Variants in TMEM238L observed in about 807,000 individuals in gnomAD.
The protein encoded by TMEM238L is transmembrane protein 238-like.
At chr17:10,797,013 G>A (rs1567608895) in intron 1 of TMEM238L, among the ~76,000 whole-genome samples, 1 of 152,158 alleles carries the variant, frequency 6.6e-6, no homozygotes, top group African/African-American at 2.4e-5. Flanking sequence ...GCCAGTCTGT[G>A]TTCCAATAAA....
chr17:10,802,330 C>G (rs1904769994), intron 1 of TMEM238L: 1 of 152,170 alleles, frequency 6.6e-6, no homozygotes, highest in African/African-American at 2.4e-5. Context: ...ATTGTACAGC[C>G]TTTCCCTGCC....
chr17:10,799,396 C>T (rs923543077), intron 1 of TMEM238L, among the ~76,000 whole-genome samples: 1 of 152,154 alleles, frequency 6.6e-6, no homozygotes, highest in Admixed American at 6.5e-5. Context: ...CGGGGTTTCA[C>T]TATGTTGGCC....
chr17:10,803,932 T>C, exon 1 of TMEM238L: 1 of 398,886 alleles, frequency 2.5e-6, no homozygotes, highest in Non-Finnish European at 4.4e-6. Context: ...GCGCCCTGGA[T>C]GGCATCTTCC....
intron 1 of TMEM238L, among the ~76,000 whole-genome samples, chr17:10,797,491 C>A (rs958930811): frequency 2.0e-5 from 3 of 150,744 alleles, no homozygotes; most frequent in Non-Finnish European, 4.4e-5. Flanking sequence ...ATGTCTCTAA[C>A]CCCTAACCTC....
At chr17:10,798,498 G>A (rs912619590) in intron 1 of TMEM238L, among the ~76,000 whole-genome samples, 3 of 152,206 alleles carry the variant, frequency 2.0e-5, no homozygotes, top group African/African-American at 7.2e-5. Context: ...GTGGGCAGAG[G>A]GGAGAGGCTG....
At chr17:10,797,298 A>G (rs1371325879) in intron 1 of TMEM238L, among the ~76,000 whole-genome samples, 1 of 152,030 alleles carries the variant, frequency 6.6e-6, no homozygotes, top group Non-Finnish European at 1.5e-5. Context: ...GATAATGTGC[A>G]ACCCTAGGGC....
exon 2 of TMEM238L, chr17:10,795,919 T>C (rs1904526135): frequency 6.6e-6 from 1 of 152,396 alleles, no homozygotes; most frequent in African/African-American, 2.4e-5. Context: ...GGGCATCTCC[T>C]TGAATTGATT....
intron 1 of TMEM238L, among the ~76,000 whole-genome samples, chr17:10,803,008 A>G (rs1904793066): frequency 6.6e-6 from 1 of 152,060 alleles, no homozygotes; most frequent in African/African-American, 2.4e-5. Flanking sequence ...TGGGGTGGGA[A>G]TACTGCAGAG....
chr17:10,797,257 T>G lies in TMEM238L; in HGVS notation c.*119-1309A>C, dbSNP rs1428139460. On this transcript the variant is annotated intron_variant, in intron 1 of 1. Transcript: ENST00000581851. ...AATGATTATGATGATAATACTACTTTCCTCATGGCCTTGTTGATAGGGTGA... is the reference window on the plus strand; with the variant it reads ...AATGATTATGATGATAATACTACTTGCCTCATGGCCTTGTTGATAGGGTGA... 2.0e-5 allele frequency among the ~76,000 whole-genome samples: 3 copies of G among 152,148 alleles called. No individual in the cohort carries two copies. In the East Asian group the frequency reaches 5.8e-4, roughly 29 times the overall value.
chr17:10,802,968 G>A (rs1016425631), intron 1 of TMEM238L, among the ~76,000 whole-genome samples: 15 of 152,314 alleles, frequency 9.8e-5, no homozygotes, highest in South Asian at 2.1e-4. Flanking sequence ...CTGGGCACAT[G>A]TGTTGGCTGC....
chr17:10,800,436 C>G (rs1446791667), intron 1 of TMEM238L, among the ~76,000 whole-genome samples: 1 of 152,194 alleles, frequency 6.6e-6, no homozygotes, highest in Non-Finnish European at 1.5e-5. Flanking sequence ...ATTAAAACTT[C>G]TAAAGTTTCT....
At chr17:10,800,188 T>TC (rs962964371) in intron 1 of TMEM238L, among the ~76,000 whole-genome samples, 17 of 152,098 alleles carry the variant, frequency 1.1e-4, no homozygotes, top group Admixed American at 6.5e-5. Flanking sequence ...CGCCTCAGCC[T>TC]CCCAAAGTGC....
At chr17:10,800,850 A>T (rs1003766720) in intron 1 of TMEM238L, among the ~76,000 whole-genome samples, 2 of 152,078 alleles carry the variant, frequency 1.3e-5, no homozygotes, top group Non-Finnish European at 2.9e-5. Flanking sequence ...TCAATGAGGG[A>T]AGGCTGTTCA....
rs562738282 is a variant in TMEM238L, at chr17:10,803,789, G to A, written c.175C>T (p.Leu59=). The A allele has an allele frequency of 1.0e-5, 4 of 399,660 alleles. No homozygotes were observed. The Admixed American group carries it at 1.8e-4, about 18-fold the overall frequency. The allele number at this position is 399,660 out of a possible 1,614,324, so 24.8% of individuals were successfully genotyped here. ...GAATACCAGATGATCCAGAGCAGTAGGCTGAGAGCCAGGATCAGGGCACCT... is the reference window on the plus strand; with the variant it reads ...GAATACCAGATGATCCAGAGCAGTAAGCTGAGAGCCAGGATCAGGGCACCT... Residue 59 remains leucine (L), a synonymous_variant, in exon 1 of 2, where the codon CTA becomes TTA. Transcript: ENST00000581851.
At chr17:10,798,810 G>A (rs1904640672) in intron 1 of TMEM238L, among the ~76,000 whole-genome samples, 1 of 151,850 alleles carries the variant, frequency 6.6e-6, no homozygotes, top group African/African-American at 2.4e-5. Flanking sequence ...GTATTGTTTG[G>A]GTGTGTAGTC....
intron 1 of TMEM238L, among the ~76,000 whole-genome samples, chr17:10,797,511 ATC>A (rs1288072762): frequency 4.0e-5 from 6 of 151,052 alleles, no homozygotes; most frequent in African/African-American, 1.5e-4. Context: ...CTCCCTCCAC[ATC>A]TGATCTTTCT....
At chr17:10,798,170 TAGC>T (rs1403869664) in intron 1 of TMEM238L, among the ~76,000 whole-genome samples, 3 of 151,924 alleles carry the variant, frequency 2.0e-5, no homozygotes, top group African/African-American at 4.8e-5. Flanking sequence ...ACCTGTTCCT[TAGC>T]AGCCCAGCCA....
At chr17:10,801,615 T>C (rs973275805) in intron 1 of TMEM238L, among the ~76,000 whole-genome samples, 2 of 152,186 alleles carry the variant, frequency 1.3e-5, no homozygotes, top group African/African-American at 4.8e-5. Context: ...TGACTCCATC[T>C]TCTGAGTCAG....
At chr17:10,802,649 T>G (rs1230195493) in intron 1 of TMEM238L, 1 of 152,650 alleles carries the variant, frequency 6.6e-6, no homozygotes, top group Non-Finnish European at 1.5e-5. Context: ...TGCTCTTACT[T>G]CTGGTAAGGG....
Sources: gnomAD v4.1 joint callset for allele counts (sites outside exome capture counted in the v4.1 genomes callset) on GRCh38, gnomAD v4.1.1 for gene constraint, MANE v1.5 for transcripts, NCBI Gene and HGNC (gene_info 2026-07-23, HGNC 2026-07-21) for gene names.